The following LRBA variants were observed in gnomAD, a reference collection of about 807,000 sequenced individuals.
The protein encoded by LRBA is LPS responsive beige-like anchor protein.
Under a neutral mutation model 330.0 loss-of-function variants are expected in LRBA, and 176 were observed. The observed-to-expected ratio is 0.53, with a 90% CI of 0.47 to 0.60. The LOEUF (loss-of-function observed/expected upper bound fraction) is 0.60, where lower values mean the gene tolerates loss of function less well. LRBA is among the 20% of genes least tolerant of loss of function. The pLI is 0.00. For missense variants in LRBA, 3,259 were observed against 3,444.8 expected (o/e 0.95, Z 1.35); for synonymous variants, 1,230 against 1,193.0 (o/e 1.03, Z -0.64).
intron 44 of LRBA, among the ~76,000 whole-genome samples, chr4:150,458,479 C>T (rs1223166015): frequency 6.6e-6 from 1 of 151,780 alleles, no homozygotes; most frequent in African/African-American, 2.4e-5. Context: ...TAAATAGCTA[C>T]ACAGTTTGCT....
intron 31 of LRBA, among the ~76,000 whole-genome samples, chr4:150,814,867 T>C (rs2126756270): frequency 6.6e-6 from 1 of 152,136 alleles, no homozygotes; most frequent in East Asian, 1.9e-4. Context: ...ATACAGTTTT[T>C]CAAAGTGAAT....
chr4:150,753,534 G>A (rs895563268), intron 35 of LRBA, among the ~76,000 whole-genome samples: 1 of 152,026 alleles, frequency 6.6e-6, no homozygotes, highest in African/African-American at 2.4e-5. Context: ...TTTAAAATGT[G>A]TAAGGCTATG....
intron 2 of LRBA, among the ~76,000 whole-genome samples, chr4:151,011,649 G>A (rs1393460225): frequency 4.7e-5 from 7 of 150,242 alleles, no homozygotes; most frequent in Non-Finnish European, 4.4e-5. Context: ...ATATTTACGT[G>A]TAGCAGTACT....
chr4:150,931,936 T>G (rs530983425), intron 2 of LRBA, among the ~76,000 whole-genome samples: 1 of 152,012 alleles, frequency 6.6e-6, no homozygotes, highest in Non-Finnish European at 1.5e-5. Context: ...GGGTTAGGCG[T>G]GGTGGCTCAT....
intron 42 of LRBA, among the ~76,000 whole-genome samples, chr4:150,475,155 A>G (rs1353526579): frequency 6.6e-6 from 1 of 152,170 alleles, no homozygotes; most frequent in African/African-American, 2.4e-5. Context: ...TCCTTTTTAT[A>G]TACTGCTGAA....
chr4:150,867,551 C>A (rs768320518), intron 22 of LRBA, 120 bp downstream of exon 22: 5 of 660,780 alleles, frequency 7.6e-6, no homozygotes, highest in Non-Finnish European at 1.2e-5. Context: ...TTTTGCTGTA[C>A]TTTCAGAAGA....
intron 40 of LRBA, chr4:150,579,144 T>C: frequency 2.3e-6 from 1 of 442,238 alleles, no homozygotes; most frequent in South Asian, 1.6e-5. Flanking sequence ...TAGAATATAG[T>C]ATCTCCTGCA....
chr4:150,421,369 T>C (rs567120021), intron 46 of LRBA, among the ~76,000 whole-genome samples: 5 of 147,384 alleles, frequency 3.4e-5, no homozygotes, highest in South Asian at 4.2e-4. Flanking sequence ...TATATACACA[T>C]ACACAAAATG....
At chr4:151,008,712 C>T (rs1200323512) in intron 2 of LRBA, among the ~76,000 whole-genome samples, 4 of 151,670 alleles carry the variant, frequency 2.6e-5, no homozygotes, top group Admixed American at 6.6e-5. Flanking sequence ...CAGTGGCTCA[C>T]GCCTGTAATC....
At chr4:150,533,366 G>A (rs1331774112) in intron 40 of LRBA, among the ~76,000 whole-genome samples, 1 of 151,720 alleles carries the variant, frequency 6.6e-6, no homozygotes, top group Non-Finnish European at 1.5e-5. Context: ...AAGAGACAGG[G>A]TTTCACCATA....
intron 27 of LRBA, 44 bp from the exon 28 acceptor site, chr4:150,844,251 A>C: frequency 2.1e-6 from 2 of 940,148 alleles, no homozygotes; most frequent in Non-Finnish European, 3.2e-6. Flanking sequence ...ATATTCATAT[A>C]TACATTACAC....
chr4:150,453,447 A>G (rs1395013792), intron 44 of LRBA, among the ~76,000 whole-genome samples: 1 of 152,224 alleles, frequency 6.6e-6, no homozygotes, highest in African/African-American at 2.4e-5. Context: ...TGTTAGAAGA[A>G]TTGGACTTCT....
intron 37 of LRBA, among the ~76,000 whole-genome samples, chr4:150,647,930 G>A (rs545127603): frequency 1.3e-5 from 2 of 151,728 alleles, no homozygotes; most frequent in Non-Finnish European, 2.9e-5. Flanking sequence ...AGGGCCCTGT[G>A]CCTAGCAGAG....
intron 56 of LRBA, among the ~76,000 whole-genome samples, chr4:150,269,042 A>G (rs1292671799): frequency 2.6e-5 from 4 of 152,232 alleles, no homozygotes; most frequent in East Asian, 1.9e-4. Context: ...GCAAATTTGC[A>G]GGATATACAA....
At chr4:150,552,966 G>A (rs1289440309) in intron 40 of LRBA, among the ~76,000 whole-genome samples, 1 of 151,904 alleles carries the variant, frequency 6.6e-6, no homozygotes, top group African/African-American at 2.4e-5. Context: ...CTACTTGGGA[G>A]GCTGAGGCAG....
chr4:150,934,762 A>G (rs1024399495), intron 2 of LRBA, among the ~76,000 whole-genome samples: 8 of 152,084 alleles, frequency 5.3e-5, no homozygotes, highest in Non-Finnish European at 1.0e-4. Flanking sequence ...TAATCCCAGC[A>G]CTTTGGGAGG....
intron 48 of LRBA, among the ~76,000 whole-genome samples, chr4:150,339,738 T>G (rs1047958114): frequency 6.6e-6 from 1 of 152,070 alleles, no homozygotes; most frequent in Non-Finnish European, 1.5e-5. Context: ...GTAATACATA[T>G]AGATTTACAC....
At chr4:150,723,151 C>T (rs1443314162) in intron 36 of LRBA, among the ~76,000 whole-genome samples, 1 of 152,138 alleles carries the variant, frequency 6.6e-6, no homozygotes, top group Non-Finnish European at 1.5e-5. Context: ...TTTCTAGGCT[C>T]CTCCTAGTGC....
intron 43 of LRBA, among the ~76,000 whole-genome samples, chr4:150,469,858 A>T (rs1233420267): frequency 6.6e-6 from 1 of 152,080 alleles, no homozygotes; most frequent in Non-Finnish European, 1.5e-5. Flanking sequence ...TCTCTGCCCC[A>T]ACCCATCTTC....
Sources: allele counts gnomAD v4.1 joint callset (sites outside exome capture counted in the v4.1 genomes callset), GRCh38; gene constraint gnomAD v4.1.1; transcripts MANE v1.5; gene names NCBI Gene and HGNC (gene_info 2026-07-23, HGNC 2026-07-21).